The following LMX1A variants were observed in gnomAD, a reference collection of about 807,000 sequenced individuals.
The protein encoded by LMX1A is LIM homeobox transcription factor 1 alpha, also known as LIM homeobox transcription factor 1-alpha.
In LMX1A, 15 loss-of-function variants were observed where a neutral mutation model predicts 49.1. The observed-to-expected ratio is 0.31, with a 90% CI of 0.20 to 0.47. The LOEUF is 0.47. LMX1A is among the 20% of genes least tolerant of loss of function. LMX1A has a pLI of 1.00. For missense variants in LMX1A, 372 were observed against 475.8 expected (o/e 0.78, Z 2.03); for synonymous variants, 167 against 185.7 (o/e 0.90, Z 0.82).
chr1:165,249,295 CA>C, intron 4 of LMX1A, 112 bp downstream of exon 4: 2 of 690,932 alleles, frequency 2.9e-6, no homozygotes, highest in South Asian at 3.5e-5. Context: ...ACTGCCTTGC[CA>C]TGGAGCTAGG....
chr1:165,317,178 T>A (rs1655252640), intron 3 of LMX1A, among the ~76,000 whole-genome samples: 1 of 152,168 alleles, frequency 6.6e-6, no homozygotes, highest in Non-Finnish European at 1.5e-5. Context: ...TGGAACCCAC[T>A]CAGAACAAGG....
In LMX1A at chr1:165,290,883, A is replaced by G. The variant is rs560913448; in HGVS notation, c.264-41243T>C. 8.2e-4 allele frequency among the ~76,000 whole-genome samples: 125 copies of G among 152,182 alleles called. 1 individual carries two copies. Among genetic ancestry groups the G allele is most frequent in the Non-Finnish European group, 1.0e-3 (69 of 68,024 alleles). ...GAACCCAGCAGTCTGTGTTTTAACA[A>G]GCTTTCCAGGTGATTCTGATGCACA... is the stretch of plus-strand genomic sequence containing the variant. On this transcript the variant is annotated intron_variant, in intron 3 of 8. Transcript: ENST00000342310.
At chr1:165,290,792 G>A (rs534271153) in intron 3 of LMX1A, among the ~76,000 whole-genome samples, 16 of 151,944 alleles carry the variant, frequency 1.1e-4, no homozygotes, top group African/African-American at 3.6e-4. Flanking sequence ...CAACATCACC[G>A]GAGAATTTTT....
chr1:165,237,825 G>A (rs1054770804), intron 4 of LMX1A, among the ~76,000 whole-genome samples: 18 of 152,158 alleles, frequency 1.2e-4, no homozygotes, highest in African/African-American at 4.3e-4. Flanking sequence ...TCAGTAAACT[G>A]TCTAAAGCAT....
chr1:165,323,289 T>C (rs568312599), intron 3 of LMX1A, among the ~76,000 whole-genome samples: 1 of 152,306 alleles, frequency 6.6e-6, no homozygotes, highest in Non-Finnish European at 1.5e-5. Context: ...CTTCATGAAT[T>C]ATAAAGCACC....
At chr1:165,350,143 G>T (rs1571237810) in intron 3 of LMX1A, among the ~76,000 whole-genome samples, 6 of 91,894 alleles carry the variant, frequency 6.5e-5, no homozygotes, top group Admixed American at 2.9e-4. Context: ...CATTTACTTT[G>T]TTTGGGCCTC....
intron 3 of LMX1A, among the ~76,000 whole-genome samples, chr1:165,301,398 A>C (rs1198063827): frequency 3.3e-5 from 5 of 152,056 alleles, no homozygotes; most frequent in Non-Finnish European, 7.4e-5. Context: ...CTTCTCTGCC[A>C]GTACAATTCT....
chr1:165,331,607 G>A (rs113379111), intron 3 of LMX1A, among the ~76,000 whole-genome samples: 67 of 152,256 alleles, frequency 4.4e-4, no homozygotes, highest in African/African-American at 1.6e-3. Flanking sequence ...ATAAATAGAA[G>A]TTTTCAAATC....
intron 5 of LMX1A, among the ~76,000 whole-genome samples, chr1:165,212,072 T>G (rs1010137585): frequency 6.6e-6 from 1 of 152,354 alleles, no homozygotes; most frequent in East Asian, 1.9e-4. Flanking sequence ...TACTTTCTAC[T>G]GATACCTCTC....
chr1:165,346,810 T>C (rs1288938501), intron 3 of LMX1A, among the ~76,000 whole-genome samples: 2 of 152,208 alleles, frequency 1.3e-5, no homozygotes, highest in Non-Finnish European at 2.9e-5. Flanking sequence ...ATTACAGTGT[T>C]TACACCTCCT....
intron 3 of LMX1A, among the ~76,000 whole-genome samples, chr1:165,282,542 T>G (rs1654186388): frequency 6.6e-6 from 1 of 152,190 alleles, no homozygotes; most frequent in Admixed American, 6.5e-5. Flanking sequence ...CCATGATTGG[T>G]TGAATCTATG....
chr1:165,263,854 G>T (rs1653533610), intron 3 of LMX1A, among the ~76,000 whole-genome samples: 1 of 152,108 alleles, frequency 6.6e-6, no homozygotes, highest in African/African-American at 2.4e-5. Context: ...TTAGCTTTGG[G>T]GTTGTCCTCA....
At chr1:165,237,263 G>A (rs751076692) in intron 4 of LMX1A, among the ~76,000 whole-genome samples, 5 of 152,048 alleles carry the variant, frequency 3.3e-5, no homozygotes, top group Non-Finnish European at 7.4e-5. Flanking sequence ...TCGCTCTGTC[G>A]CCCAGGCTGG....
At chr1:165,270,176 A>G (rs1653753619) in intron 3 of LMX1A, among the ~76,000 whole-genome samples, 1 of 152,192 alleles carries the variant, frequency 6.6e-6, no homozygotes, top group South Asian at 2.1e-4. Context: ...CAAAAGTGGG[A>G]AAGTGAAGAC....
chr1:165,247,948 C>T (rs1231436618), intron 4 of LMX1A, among the ~76,000 whole-genome samples: 1 of 152,222 alleles, frequency 6.6e-6, no homozygotes, highest in African/African-American at 2.4e-5. Flanking sequence ...TTTATTCACT[C>T]TTTAACAAAG....
chr1:165,298,083 G>A (rs1654668537), intron 3 of LMX1A, among the ~76,000 whole-genome samples: 1 of 152,326 alleles, frequency 6.6e-6, no homozygotes, highest in South Asian at 2.1e-4. Context: ...AAATAAACTT[G>A]AGATAAGAGT....
At chr1:165,283,261 A>G (rs570322443) in intron 3 of LMX1A, among the ~76,000 whole-genome samples, 83 of 152,356 alleles carry the variant, frequency 5.4e-4, no homozygotes, top group Middle Eastern at 3.4e-3. Flanking sequence ...ACATAGAAGC[A>G]ATAGGTTCTA....
At chr1:165,277,658 T>G (rs7528546) in intron 3 of LMX1A, among the ~76,000 whole-genome samples, 61,833 of 152,092 alleles carry the variant, frequency 0.41, 12,892 homozygotes, top group Admixed American at 0.46. Flanking sequence ...AATCCCCTGC[T>G]CTGTCAGTGC....
rs141657804 is a variant in LMX1A at position 165,353,080 on chromosome 1, C to G, written c.259G>C (p.Glu87Gln). The change falls in exon 3 of 9, where the codon GAG (glutamate) becomes CAG (glutamine). Residue 87 changes from glutamate to glutamine, a missense_variant. Coordinates refer to ENST00000342310, the MANE Select transcript of LMX1A (RefSeq NM_177398.4). ...TGCGGGGGTGCGGCCACTTACTTCTCGTAGTCATACTTGCAGTACAGCTTC... is the reference window on the plus strand; with the variant it reads ...TGCGGGGGTGCGGCCACTTACTTCTGGTAGTCATACTTGCAGTACAGCTTC... ...DKKLYCKYDYEKLFAVKCGGC... is the reference protein window; with the variant it reads ...DKKLYCKYDYQKLFAVKCGGC... 9.9e-5 allele frequency: 159 copies of G among 1,613,924 alleles called. 1 individual carries two copies. In the Admixed American group the frequency reaches 1.0e-3, roughly 10 times the overall value.
Sources: gnomAD v4.1 joint callset for allele counts (sites outside exome capture counted in the v4.1 genomes callset) on GRCh38, gnomAD v4.1.1 for gene constraint, MANE v1.5 for transcripts, NCBI Gene and HGNC (gene_info 2026-07-23, HGNC 2026-07-21) for gene names.